Variants in KIAA1549 observed in about 807,000 individuals in gnomAD.
KIAA1549 encodes the protein KIAA1549.
Under a neutral mutation model 156.4 loss-of-function variants are expected in KIAA1549, and 70 were observed. The ratio of observed to expected loss-of-function variants is 0.45; its 90% confidence interval spans 0.37 to 0.55. The LOEUF (loss-of-function observed/expected upper bound fraction) is 0.55, where lower values mean the gene tolerates loss of function less well. Ranked by LOEUF, KIAA1549 falls within the 20% of genes least tolerant of loss-of-function variation. The pLI is 0.00. For missense variants in KIAA1549, 2,428 were observed against 2,540.9 expected, an observed-to-expected ratio of 0.96 and a Z score of 0.96; for synonymous variants, 1,103 against 1,066.4, an observed-to-expected ratio of 1.03 and a Z score of -0.67.
intron 1 of KIAA1549, among the ~76,000 whole-genome samples, chr7:138,950,949 C>T (rs778059777): frequency 6.6e-6 from 1 of 152,026 alleles, no homozygotes; most frequent in Non-Finnish European, 1.5e-5. Context: ...CCGACCACCT[C>T]GCCCTCACCT....
chr7:138,856,023 T>C (rs1319151632), intron 16 of KIAA1549, among the ~76,000 whole-genome samples: 2 of 151,436 alleles, frequency 1.3e-5, no homozygotes, highest in African/African-American at 4.9e-5. Context: ...TTTCTTTTTT[T>C]ATTATTTATT....
chr7:138,836,263 T>TCTATGTTTAG lies in KIAA1549; in HGVS notation c.*1633_*1642dup, dbSNP rs981940576. 9.8e-6 allele frequency: 2 copies of TCTATGTTTAG among 203,780 alleles called. No homozygotes were observed. The highest frequency in any genetic ancestry group is 2.3e-5 in the African/African-American group (1 of 43,690). The allele number at this position is 203,780 out of a possible 1,614,324, so 12.6% of individuals were successfully genotyped here. A position where few individuals can be genotyped will look rare whatever the true frequency, so the allele number is the denominator to read the frequency against. Reference sequence around the variant, plus strand: ...AAAATTGTATTTTTACCATACCTTTTCTATGTTTAGCTATGTTTAGATACA... The same window carrying TCTATGTTTAG: ...AAAATTGTATTTTTACCATACCTTTTCTATGTTTAGCTATGTTTAGCTATGTTTAGATACA... On this transcript the variant is annotated 3_prime_UTR_variant, in exon 20 of 20. Transcript: ENST00000422774.
At chr7:138,842,114 C>G (rs1488973084) in intron 18 of KIAA1549, among the ~76,000 whole-genome samples, 2 of 152,194 alleles carry the variant, frequency 1.3e-5, no homozygotes, top group Non-Finnish European at 2.9e-5. Flanking sequence ...GCAAGAGCAG[C>G]GCGGTGTTCC....
rs1584798380 is a variant in KIAA1549, at chr7:138,979,095, C to A, written c.187+1988G>T. ...TGGAGCACAGGGGCTGTGCCCTCCACTTCTTAGTTCCTAGTCTATGAGCCT... is the reference window on the plus strand; with the variant it reads ...TGGAGCACAGGGGCTGTGCCCTCCAATTCTTAGTTCCTAGTCTATGAGCCT... On this transcript the variant is annotated intron_variant, in intron 1 of 19. Transcript: ENST00000422774. Among the ~76,000 whole-genome samples, 3 of 152,354 alleles carry A rather than the reference C, an allele frequency of 2.0e-5. No homozygotes were observed. The South Asian group carries it at 6.2e-4, about 32-fold the overall frequency.
chr7:138,869,148 G>T (rs556972771), intron 14 of KIAA1549, among the ~76,000 whole-genome samples: 19 of 152,312 alleles, frequency 1.2e-4, no homozygotes, highest in African/African-American at 4.3e-4. Context: ...TATTGGAGGT[G>T]ACAGAGTGGG....
intron 19 of KIAA1549, among the ~76,000 whole-genome samples, chr7:138,839,387 T>G (rs117558939): frequency 6.6e-6 from 1 of 152,204 alleles, no homozygotes; most frequent in Non-Finnish European, 1.5e-5. Context: ...GATGCTCATA[T>G]TGAGTGAACA....
Position 138,877,214 on chromosome 7 carries a change from CCGAACAT to C in KIAA1549, c.4345+2317_4345+2323del, listed in dbSNP as rs1262185544. Among the ~76,000 whole-genome samples the C allele has an allele frequency of 2.1e-3, 325 of 152,334 alleles. 4 individuals are homozygous for C. The highest frequency in any genetic ancestry group is 7.6e-3 in the African/African-American group (314 of 41,568). The stretch of plus-strand genomic sequence containing the variant: ...ATTTTTATGTGAATTATAAAACAGG[CCGAACAT>C]GGTGGCTCACGCCTGTAATCCCAGC... On this transcript the variant is annotated intron_variant, in intron 12 of 19. Transcript: ENST00000422774.
Position 138,918,342 on chromosome 7 carries a change from T to C in KIAA1549, c.1284A>G (p.Ser428=). Residue 428 remains serine, a synonymous_variant, in exon 2 of 20, where the codon TCA becomes TCG. Coordinates refer to ENST00000422774, the MANE Select transcript of KIAA1549 (RefSeq NM_001164665.2). The surrounding 1 kb of genome is among the most constrained non-coding windows in gnomAD (Gnocchi z 4.2). ...YTWCAACTVP[S]PQQVLATSLM... is the part of the protein sequence containing the mutation. ...GGCTCGTGGCCAGAACTTGCTGAGG[T>C]GAAGGCACAGTGCAGGCCGCACACC... is the stretch of plus-strand genomic sequence containing the variant. 6.2e-7 allele frequency: 1 copy of C among 1,613,850 alleles called. No individual in the cohort carries two copies. The highest frequency in any genetic ancestry group is 8.5e-7 in the Non-Finnish European group (1 of 1,179,870).
chr7:138,909,316 C>T (rs1338104339), intron 4 of KIAA1549, among the ~76,000 whole-genome samples, 195 bp from the exon 5 acceptor site: 1 of 152,128 alleles, frequency 6.6e-6, no homozygotes, highest in Non-Finnish European at 1.5e-5. Flanking sequence ...TGAAGACATG[C>T]AATGTGACGG....
Position 138,909,141 on chromosome 7 carries a change from A to G in KIAA1549, c.3146-20T>C. The stretch of plus-strand genomic sequence containing the variant: ...GAAGTACTGAAAAGAAAAGCAATCA[A>G]AGTCCCATAAATGAGGTGTTTGTGC... On this transcript the variant is annotated intron_variant, in intron 4 of 19. Coordinates refer to ENST00000422774, the MANE Select transcript of KIAA1549 (RefSeq NM_001164665.2). 1 of 1,603,476 alleles carries G rather than the reference A, an allele frequency of 6.2e-7. No individual in the cohort carries two copies. Among genetic ancestry groups the G allele is most frequent in the Non-Finnish European group, 8.5e-7 (1 of 1,174,216 alleles).
At chr7:138,924,790 G>T (rs1319227356) in intron 1 of KIAA1549, among the ~76,000 whole-genome samples, 2 of 152,134 alleles carry the variant, frequency 1.3e-5, no homozygotes, top group African/African-American at 4.8e-5. Flanking sequence ...AGCATGAAAG[G>T]CGTCAGGGAC....
chr7:138,879,553 T>C lies in KIAA1549; in HGVS notation c.4330A>G (p.Arg1444Gly), dbSNP rs779226827. ...AGTCACAGACCGCTCTGCGGAGCTC[T>C]GTGGGACCTGCCATCGTTGACGGCT... ...PGAVNDGRSH[R>G]APQSGPPLPS... Residue 1444 changes from arginine to glycine, a missense_variant, in exon 12 of 20, where the codon AGA becomes GGA. Arg to Gly is a moderately radical substitution (Grantham distance 125). Around this residue, in one of 5 missense-constraint regions of KIAA1549, gnomAD observed 404 missense variants for 417.0 expected, o/e 0.97. Coordinates refer to ENST00000422774, the MANE Select transcript of KIAA1549 (RefSeq NM_001164665.2). 7.0e-6 allele frequency: 11 copies of C among 1,562,800 alleles called. No homozygotes were observed. The highest frequency in any genetic ancestry group is 9.5e-6 in the Non-Finnish European group (11 of 1,153,030).
intron 14 of KIAA1549, among the ~76,000 whole-genome samples, chr7:138,868,831 G>A (rs1017967504): frequency 6.6e-6 from 1 of 152,180 alleles, no homozygotes. Flanking sequence ...ATGTTCAGGG[G>A]CTACCAGGCC....
At chr7:138,972,581 G>A (rs924010590) in intron 1 of KIAA1549, among the ~76,000 whole-genome samples, 5 of 151,864 alleles carry the variant, frequency 3.3e-5, no homozygotes, top group African/African-American at 7.3e-5. Flanking sequence ...ACACTGGAAC[G>A]TCAAGTGCTA....
chr7:138,929,226 T>C (rs1413932632), intron 1 of KIAA1549, among the ~76,000 whole-genome samples: 1 of 152,258 alleles, frequency 6.6e-6, no homozygotes, highest in Non-Finnish European at 1.5e-5. Flanking sequence ...CTCTGCCAAC[T>C]GTTTTATCGA....
rs942965571 is a variant in KIAA1549 at position 138,913,379 on chromosome 7, T to G, written c.2879-919A>C. Among the ~76,000 whole-genome samples the G allele has an allele frequency of 2.0e-5, 3 of 152,328 alleles. No homozygotes were observed. The South Asian group carries it at 6.2e-4, about 32-fold the overall frequency. The stretch of plus-strand genomic sequence containing the variant: ...AATATTTCTCATAACCAAAGCCTAG[T>G]TCTGTTTGACTGTTTTCATATTTTA... On this transcript the variant is annotated intron_variant, in intron 2 of 19. Coordinates refer to ENST00000422774, the MANE Select transcript of KIAA1549 (RefSeq NM_001164665.2).
At chr7:138,862,755 A>C (rs1489590926) in intron 15 of KIAA1549, among the ~76,000 whole-genome samples, 1 of 152,130 alleles carries the variant, frequency 6.6e-6, no homozygotes, top group African/African-American at 2.4e-5. Flanking sequence ...ACATGGTGAA[A>C]CCTTGTCTCT....
chr7:138,943,990 C>T (rs1200400904), intron 1 of KIAA1549, among the ~76,000 whole-genome samples: 2 of 151,148 alleles, frequency 1.3e-5, no homozygotes, highest in Non-Finnish European at 2.9e-5. Flanking sequence ...TGGCCTTGAA[C>T]TCCTGGGCTC....
chr7:138,981,271 C>G lies in KIAA1549; in HGVS notation c.-2G>C, dbSNP rs1814546016. 1 of 975,948 alleles carries G rather than the reference C, an allele frequency of 1.0e-6. No homozygotes were observed. Among genetic ancestry groups the G allele is most frequent in the Non-Finnish European group, 1.2e-6 (1 of 824,112 alleles). The allele number at this position is 975,948 out of a possible 1,614,324, so 60.5% of individuals were successfully genotyped here. ...GCGTCGGCGCCGCGCCCCCGGCATTCCCGGCCGGCGCCCCGGCCCGGCCTC... is the reference window on the plus strand; with the variant it reads ...GCGTCGGCGCCGCGCCCCCGGCATTGCCGGCCGGCGCCCCGGCCCGGCCTC... On this transcript the variant is annotated 5_prime_UTR_variant, in exon 1 of 20. Coordinates refer to ENST00000422774, the MANE Select transcript of KIAA1549 (RefSeq NM_001164665.2). This position sits in a 1 kb window ranked among gnomAD's most constrained non-coding sequence, Gnocchi z 4.5.
Sources: gnomAD v4.1 joint callset for allele counts (sites outside exome capture counted in the v4.1 genomes callset) on GRCh38, gnomAD v4.1.1 for gene constraint, gnomAD v4.1.1 regional missense constraint, Gnocchi (gnomAD v3.1) non-coding constraint, MANE v1.5 for transcripts, NCBI Gene and HGNC (gene_info 2026-07-23, HGNC 2026-07-21) for gene names.